Variants in TUFT1 observed in about 807,000 individuals in gnomAD.
TUFT1 encodes the protein tuftelin 1, also known as tuftelin.
TUFT1 carries 43 observed loss-of-function variants against 57.8 expected under a neutral mutation model. The observed-to-expected ratio is 0.74, with a 90% CI of 0.58 to 0.96. The LOEUF is 0.96. Ranked by LOEUF, TUFT1 falls within the 40% of genes least tolerant of loss-of-function variation. TUFT1 has a pLI of 0.00. For missense variants in TUFT1, 459 were observed against 489.0 expected, an observed-to-expected ratio of 0.94 and a Z score of 0.58; for synonymous variants, 166 against 176.7, an observed-to-expected ratio of 0.94 and a Z score of 0.48.
intron 1 of TUFT1, among the ~76,000 whole-genome samples, chr1:151,553,741 C>T (rs1336381626): frequency 3.3e-5 from 5 of 152,160 alleles, no homozygotes; most frequent in Non-Finnish European, 4.4e-5. Flanking sequence ...CTGAATTTTC[C>T]AGCGATTGTG....
intron 1 of TUFT1, 119 bp from the exon 2 acceptor site, chr1:151,561,972 A>G (rs925127846): frequency 3.5e-5 from 52 of 1,479,608 alleles, no homozygotes; most frequent in Non-Finnish European, 4.8e-5. Context: ...CTAGTCTGTG[A>G]AGTGGTGATG....
chr1:151,575,593 G>T (rs141690891), intron 9 of TUFT1, among the ~76,000 whole-genome samples: 2 of 152,278 alleles, frequency 1.3e-5, no homozygotes, highest in African/African-American at 2.4e-5. Context: ...GAAATCAGAG[G>T]CCCCAGACAA....
intron 11 of TUFT1, among the ~76,000 whole-genome samples, chr1:151,580,282 A>G (rs1311583067): frequency 2.0e-5 from 3 of 152,220 alleles, no homozygotes; most frequent in African/African-American, 4.8e-5. Context: ...CAGAGATAAA[A>G]TGTGTATTTT....
intron 6 of TUFT1, among the ~76,000 whole-genome samples, chr1:151,567,094 A>G (rs1666110159): frequency 6.6e-6 from 1 of 152,182 alleles, no homozygotes; most frequent in Admixed American, 6.5e-5. Flanking sequence ...TAATTTTTGT[A>G]GAGATGGGGT....
At chr1:151,546,465 A>T (rs1224225354) in intron 1 of TUFT1, among the ~76,000 whole-genome samples, 1 of 152,188 alleles carries the variant, frequency 6.6e-6, no homozygotes, top group Non-Finnish European at 1.5e-5. Flanking sequence ...CAATAAATCA[A>T]TTTTAGAACA....
At chr1:151,576,036 C>T (rs181206992) in intron 9 of TUFT1, among the ~76,000 whole-genome samples, 49 of 152,258 alleles carry the variant, frequency 3.2e-4, no homozygotes, top group Admixed American at 2.9e-3. Context: ...ACTAGATAAT[C>T]GGAAGCCAGG....
chr1:151,569,340 A>G (rs545530161), intron 6 of TUFT1, among the ~76,000 whole-genome samples: 85 of 152,198 alleles, frequency 5.6e-4, no homozygotes, highest in Non-Finnish European at 9.3e-4. Flanking sequence ...CAGGATGCAC[A>G]CCTACAGACA....
chr1:151,562,546 C>CTG, intron 2 of TUFT1, 39 bp from the exon 3 acceptor site: 1 of 620,848 alleles, frequency 1.6e-6, no homozygotes. Flanking sequence ...TCTGAGCCAT[C>CTG]TCTCTCTCTC....
At chr1:151,553,206 C>T (rs531339602) in intron 1 of TUFT1, among the ~76,000 whole-genome samples, 10 of 152,160 alleles carry the variant, frequency 6.6e-5, no homozygotes, top group Non-Finnish European at 1.0e-4. Context: ...ATTCTCCTGC[C>T]TCAGCCTCCT....
chr1:151,554,482 C>G (rs1464488386), intron 1 of TUFT1, among the ~76,000 whole-genome samples: 1 of 152,196 alleles, frequency 6.6e-6, no homozygotes, highest in Non-Finnish European at 1.5e-5. Flanking sequence ...TCACTGCAAC[C>G]TCTGCCTCCC....
At chr1:151,568,356 T>C (rs2102545350) in intron 6 of TUFT1, among the ~76,000 whole-genome samples, 1 of 152,350 alleles carries the variant, frequency 6.6e-6, no homozygotes, top group South Asian at 2.1e-4. Flanking sequence ...TTCTTCCCTC[T>C]TTGTTCTTGT....
intron 1 of TUFT1, chr1:151,540,749 T>A: frequency 9.5e-6 from 3 of 315,896 alleles, no homozygotes; most frequent in Non-Finnish European, 1.2e-5. Context: ...CATTGGGTCA[T>A]AAGAGAATGA....
In TUFT1 at chr1:151,540,344, G is replaced by A. The variant is rs1458885177; in HGVS notation, c.-23G>A. On this transcript the variant is annotated 5_prime_UTR_variant, in exon 1 of 13. The change creates a new upstream start codon in the 5' untranslated region. Coordinates refer to ENST00000368849, the MANE Select transcript of TUFT1 (RefSeq NM_020127.3). ...AGACAGCGGGGTGGACAAGTGGCGT[G>A]TGTGCTGCGACCCCGAGGGAAGATG... is the stretch of plus-strand genomic sequence containing the variant. The A allele has an allele frequency of 6.2e-7, 1 of 1,613,976 alleles. No individual in the cohort carries two copies. Among genetic ancestry groups the A allele is most frequent in the Non-Finnish European group, 8.5e-7 (1 of 1,179,962 alleles).
At chr1:151,570,025 T>C (rs1482428438) in intron 7 of TUFT1, among the ~76,000 whole-genome samples, 1 of 152,204 alleles carries the variant, frequency 6.6e-6, no homozygotes, top group Non-Finnish European at 1.5e-5. Context: ...GTGGTGCCCA[T>C]CTGGGGCAGC....
chr1:151,555,895 A>C (rs1665681130), intron 1 of TUFT1, among the ~76,000 whole-genome samples: 1 of 151,938 alleles, frequency 6.6e-6, no homozygotes, highest in South Asian at 2.1e-4. Context: ...AAACTGTGGT[A>C]CTCTATCACA....
chr1:151,543,766 G>A (rs1461302613), intron 1 of TUFT1, among the ~76,000 whole-genome samples: 1 of 152,038 alleles, frequency 6.6e-6, no homozygotes, highest in Non-Finnish European at 1.5e-5. Flanking sequence ...GCCCCCAGTT[G>A]TCCAGAGCAG....
In TUFT1 at chr1:151,564,571, T is replaced by C. The variant is rs1666003750; in HGVS notation, c.371T>C (p.Leu124Pro). The change falls in exon 5 of 13, where the codon CTT (leucine) becomes CCT (proline). Residue 124 changes from leucine to proline, a missense_variant. Coordinates refer to ENST00000368849, the MANE Select transcript of TUFT1 (RefSeq NM_020127.3). Reference sequence around the variant, plus strand: ...CTCCGGGAGGATATAAGTAGCAAGCTTGACAGGAACCTAGGAGATTCTCTC... The same window carrying C: ...CTCCGGGAGGATATAAGTAGCAAGCCTGACAGGAACCTAGGAGATTCTCTC... ...QKLREDISSK[L>P]DRNLGDSLHR... is the part of the protein sequence containing the mutation. 1.2e-6 allele frequency: 2 copies of C among 1,614,072 alleles called. No individual in the cohort carries two copies. Among genetic ancestry groups the C allele is most frequent in the East Asian group, 2.2e-5 (1 of 44,896 alleles).
At chr1:151,560,575 G>A (rs1424587543) in intron 1 of TUFT1, among the ~76,000 whole-genome samples, 1 of 152,190 alleles carries the variant, frequency 6.6e-6, no homozygotes, top group African/African-American at 2.4e-5. Flanking sequence ...CTTAAAACCT[G>A]TTACCAGTAA....
intron 1 of TUFT1, among the ~76,000 whole-genome samples, chr1:151,559,765 T>TG (rs1337629810): frequency 2.0e-5 from 3 of 152,144 alleles, no homozygotes; most frequent in Admixed American, 1.3e-4. Context: ...CCCTCCTGTG[T>TG]GGCAGAGAGT....
Sources: allele counts gnomAD v4.1 joint callset (sites outside exome capture counted in the v4.1 genomes callset), GRCh38; gene constraint gnomAD v4.1.1; transcripts MANE v1.5; gene names NCBI Gene and HGNC (gene_info 2026-07-23, HGNC 2026-07-21).